Variants in PRPF19 observed in about 807,000 individuals in gnomAD.
PRPF19 encodes the protein pre-mRNA-processing factor 19.
A neutral mutation model predicts 64.2 loss-of-function variants in PRPF19; 2 were observed. The observed-to-expected ratio is 0.03, with a 90% CI of 0.01 to 0.10. The LOEUF (loss-of-function observed/expected upper bound fraction) is 0.10. Among genes scored for constraint, PRPF19 ranks in the 10% least tolerant of loss-of-function variants. The pLI, the probability that PRPF19 is intolerant of heterozygous loss-of-function variation, is 1.00. For missense variants in PRPF19, 314 were observed against 650.0 expected (o/e 0.48, Z 5.62); for synonymous variants, 226 against 251.6 (o/e 0.90, Z 0.96).
rs567837631 is a variant in PRPF19, at chr11:60,894,309, G to C, written c.1418-3046C>G. ...ATCAATCCTCTCAAATTCTGCACCT[G>C]CTTTATCAATTAAGTTTATGTAATA... On this transcript the variant is annotated intron_variant, in intron 15 of 15. Transcript: ENST00000227524. Among the ~76,000 whole-genome samples the C allele has an allele frequency of 2.0e-5, 3 of 152,312 alleles. No individual in the cohort carries two copies. The East Asian group carries it at 5.8e-4, about 29-fold the overall frequency.
In PRPF19 at chr11:60,906,366, G is replaced by T; in HGVS notation, c.17C>A (p.Ser6Tyr). 6.3e-7 allele frequency: 1 copy of T among 1,599,908 alleles called. No individual in the cohort carries two copies. MSLIC[S>Y]ISNEVPEHPC... ...GCTTGGCCGCAGCCAACACTCACTG[G>T]AGCAGATTAGGGACATGGCGCCGTC... The change falls in exon 1 of 16, where the codon TCC becomes TAC. Residue 6 changes from serine (S) to tyrosine (Y), a missense_variant and splice_region_variant. Physicochemically the swap from Ser to Tyr is moderately radical, Grantham distance 144 (BLOSUM62 -2). Around this residue, in one of 7 missense-constraint regions of PRPF19, gnomAD observed 66 missense variants for 88.4 expected, o/e 0.75. Coordinates refer to ENST00000227524, the MANE Select transcript of PRPF19 (RefSeq NM_014502.5).
At chr11:60,906,210 C>CG (rs35711830) in intron 1 of PRPF19, among the ~76,000 whole-genome samples, 154 bp downstream of exon 1, 1,868 of 152,124 alleles carry the variant, frequency 0.012, 46 homozygotes, top group African/African-American at 0.042. Context: ...CCCGCTCCGA[C>CG]GGGGGGGGCT....
In PRPF19 at chr11:60,903,813, T is replaced by C; in HGVS notation, c.68A>G (p.His23Arg). The change falls in exon 2 of 16, where the codon CAT (histidine) becomes CGT (arginine). Residue 23 changes from histidine (H) to arginine (R), a missense_variant. Physicochemically the swap from His to Arg is conservative, Grantham distance 29. Coordinates refer to ENST00000227524, the MANE Select transcript of PRPF19 (RefSeq NM_014502.5). ...CTCGATGAGCCGCCGCTCATAAACA[T>C]GATTAGAGACAGGGGATACACATGG... ...EHPCVSPVSN[H>R]VYERRLIEKY... The C allele has an allele frequency of 1.9e-6, 3 of 1,608,108 alleles. No homozygotes were observed. The highest frequency in any genetic ancestry group is 2.5e-6 in the Non-Finnish European group (3 of 1,178,734).
intron 15 of PRPF19, among the ~76,000 whole-genome samples, chr11:60,892,416 T>A (rs922352654): frequency 6.6e-6 from 1 of 152,210 alleles, no homozygotes; most frequent in African/African-American, 2.4e-5. Context: ...AAATCCTGAC[T>A]ACGTGCCAGA....
intron 15 of PRPF19, among the ~76,000 whole-genome samples, chr11:60,893,981 A>G (rs1855893865): frequency 6.6e-6 from 1 of 152,272 alleles, no homozygotes; most frequent in South Asian, 2.1e-4. Context: ...CATTATGTCT[A>G]GTAAACAATG....
intron 15 of PRPF19, among the ~76,000 whole-genome samples, chr11:60,894,011 T>C (rs73491099): frequency 0.037 from 5,621 of 152,322 alleles, 319 homozygotes; most frequent in African/African-American, 0.13. Flanking sequence ...TAATCAAAAA[T>C]ACTTTATTGC....
chr11:60,901,047 T>C, intron 8 of PRPF19, 118 bp from the exon 9 acceptor site: 1 of 1,201,996 alleles, frequency 8.3e-7, no homozygotes, highest in Non-Finnish European at 1.2e-6. Context: ...AAGAGTTACT[T>C]CTATTCCTTA....
Position 60,898,531 on chromosome 11 carries a change from C to T in PRPF19, c.1140+10G>A. 6.2e-7 allele frequency: 1 copy of T among 1,614,014 alleles called. No individual in the cohort carries two copies. The highest frequency in any genetic ancestry group is 8.5e-7 in the Non-Finnish European group (1 of 1,180,008). Reference sequence around the variant, plus strand: ...CCCTGGGCCTCAGATGGAGGCCTACCATGTCCTACCTTCAAGTCCCAGATC... The same window carrying T: ...CCCTGGGCCTCAGATGGAGGCCTACTATGTCCTACCTTCAAGTCCCAGATC... On this transcript the variant is annotated intron_variant, in intron 13 of 15. Transcript: ENST00000227524. The surrounding 1 kb of genome is among the most constrained non-coding windows in gnomAD (Gnocchi z 4.6).
chr11:60,900,162 C>A (rs1855967043), intron 10 of PRPF19, among the ~76,000 whole-genome samples: 2 of 152,178 alleles, frequency 1.3e-5, no homozygotes, highest in Admixed American at 1.3e-4. Context: ...GTTCTGTTTA[C>A]AACCTACACC....
rs1238668071 is a variant in PRPF19, at chr11:60,890,886, GAAC to G, written c.*277_*279del. On this transcript the variant is annotated 3_prime_UTR_variant, in exon 16 of 16. Transcript: ENST00000227524. ...TGGAACAGCCACCACCACGTCCATT[GAAC>G]GACAGGAAGGGAGAGGCCCTGGGCT... 7 of 561,892 alleles carry G rather than the reference GAAC, an allele frequency of 1.2e-5. No homozygotes were observed. Among genetic ancestry groups the G allele is most frequent in the Non-Finnish European group, 2.4e-5 (7 of 296,088 alleles). The allele number at this position is 561,892 out of a possible 1,614,324, so 34.8% of individuals were successfully genotyped here. A position where few individuals can be genotyped will look rare whatever the true frequency, so the allele number is the denominator to read the frequency against.
chr11:60,901,794 T>C (rs1407297716), intron 6 of PRPF19, among the ~76,000 whole-genome samples: 1 of 151,960 alleles, frequency 6.6e-6, no homozygotes, highest in Non-Finnish European at 1.5e-5. Flanking sequence ...GTCGCAGAGG[T>C]GATAAACAGC....
intron 15 of PRPF19, among the ~76,000 whole-genome samples, chr11:60,896,037 C>T (rs1018734022): frequency 1.3e-5 from 2 of 152,126 alleles, no homozygotes; most frequent in Non-Finnish European, 2.9e-5. Flanking sequence ...AAATTTGACA[C>T]ACAGACACAA....
At chr11:60,899,753 T>C (rs1855961185) in intron 10 of PRPF19, among the ~76,000 whole-genome samples, 1 of 152,218 alleles carries the variant, frequency 6.6e-6, no homozygotes, top group South Asian at 2.1e-4. Flanking sequence ...TGCATTCCAC[T>C]TTTATGGATT....
At chr11:60,899,900 A>T (rs1458501406) in intron 10 of PRPF19, among the ~76,000 whole-genome samples, 2 of 152,242 alleles carry the variant, frequency 1.3e-5, no homozygotes, top group Non-Finnish European at 2.9e-5. Flanking sequence ...ATACAATTTC[A>T]TGAGACCTAA....
rs1855846493 is a variant in PRPF19, at chr11:60,890,735, G to A, written c.*431C>T. On this transcript the variant is annotated 3_prime_UTR_variant, in exon 16 of 16. Coordinates refer to ENST00000227524, the MANE Select transcript of PRPF19 (RefSeq NM_014502.5). Reference sequence around the variant, plus strand: ...ACACGGGGAGGTGGTTATGGTTATTGTTTTCTTTTTTTAATGAAACTAGAT... The same window carrying A: ...ACACGGGGAGGTGGTTATGGTTATTATTTTCTTTTTTTAATGAAACTAGAT... 4.4e-6 allele frequency: 2 copies of A among 456,480 alleles called. No homozygotes were observed. Among genetic ancestry groups the A allele is most frequent in the Admixed American group, 2.4e-5 (1 of 42,538 alleles). 28.3% of individuals were successfully genotyped at this position (456,480 alleles called of 1,614,324 possible).
In PRPF19 at chr11:60,898,112, T is replaced by C. The variant is rs1363422787; in HGVS notation, c.1300A>G (p.Asn434Asp). 2.5e-6 allele frequency: 4 copies of C among 1,613,918 alleles called. No homozygotes were observed. The highest frequency in any genetic ancestry group is 1.3e-5 in the African/African-American group (1 of 74,900). The change falls in exon 14 of 16, where the codon AAC becomes GAC. Residue 434 changes from asparagine to aspartate, a missense_variant. By Grantham distance (23) the Asn-to-Asp change is conservative (BLOSUM62 1). Around this residue, in one of 7 missense-constraint regions of PRPF19, gnomAD observed 47 missense variants for 94.5 expected, o/e 0.50. Transcript: ENST00000227524. The surrounding 1 kb of genome is among the most constrained non-coding windows in gnomAD (Gnocchi z 4.6). ...LKNFKTLQLD[N>D]NFEVKSLIFD... ...GGGGAAGGGCACACCTCAAAGTTGT[T>C]ATCCAGCTGCAAAGTCTTAAAGTTC...
At chr11:60,906,326 C>T in intron 1 of PRPF19, 38 bp downstream of exon 1, 2 of 1,587,692 alleles carry the variant, frequency 1.3e-6, no homozygotes, top group Non-Finnish European at 1.7e-6. Context: ...CGCTCTCTGG[C>T]CTCCTGAGAC....
chr11:60,898,080 G>C lies in PRPF19; in HGVS notation c.1311+21C>G. 1 of 1,611,408 alleles carries C rather than the reference G, an allele frequency of 6.2e-7. No individual in the cohort carries two copies. Among genetic ancestry groups the C allele is most frequent in the Admixed American group, 1.7e-5 (1 of 59,802 alleles). ...AACAAGGAGACACAATGGAAAGCTGGGCGGAGGGGGAAGGGCACACCTCAA... is the reference window on the plus strand; with the variant it reads ...AACAAGGAGACACAATGGAAAGCTGCGCGGAGGGGGAAGGGCACACCTCAA... On this transcript the variant is annotated intron_variant, in intron 14 of 15. Transcript: ENST00000227524. This position sits in a 1 kb window ranked among gnomAD's most constrained non-coding sequence, Gnocchi z 4.6.
At chr11:60,903,636 C>A in intron 2 of PRPF19, 76 bp downstream of exon 2, 1 of 1,582,490 alleles carries the variant, frequency 6.3e-7, no homozygotes, top group Non-Finnish European at 8.6e-7. Flanking sequence ...TCTCTTCCTC[C>A]AGTGCACTGG....
Sources: gnomAD v4.1 joint callset for allele counts (sites outside exome capture counted in the v4.1 genomes callset) on GRCh38, gnomAD v4.1.1 for gene constraint, gnomAD v4.1.1 regional missense constraint, Gnocchi (gnomAD v3.1) non-coding constraint, MANE v1.5 for transcripts, NCBI Gene and HGNC (gene_info 2026-07-23, HGNC 2026-07-21) for gene names.